Variants in SPMIP3 observed in about 807,000 individuals in gnomAD.
The protein encoded by SPMIP3 is sperm microtubule inner protein 3, also known as protein SPMIP3.
At chr1:244,379,220 G>C in the SPMIP3 span, among the ~76,000 whole-genome samples, 1 of 149,240 alleles carries the variant, frequency 6.7e-6, no homozygotes, top group Non-Finnish European at 1.5e-5. Flanking sequence ...GAGCCACTGC[G>C]CCCGGCCTTT....
chr1:244,372,505 A>G, the SPMIP3 span, among the ~76,000 whole-genome samples: 16 of 148,708 alleles, frequency 1.1e-4, no homozygotes, highest in South Asian at 4.2e-4. Context: ...GTGCAGTGGC[A>G]CGATCTCAGC....
chr1:244,363,922 G>A, the SPMIP3 span, among the ~76,000 whole-genome samples: 11 of 152,078 alleles, frequency 7.2e-5, no homozygotes, highest in African/African-American at 1.7e-4. Context: ...ACTCCTAGCC[G>A]GGATTCTTGT....
the SPMIP3 span, among the ~76,000 whole-genome samples, chr1:244,358,123 G>T: frequency 2.0e-5 from 3 of 151,718 alleles, no homozygotes; most frequent in African/African-American, 7.3e-5. Context: ...CCAGCTGCTC[G>T]GGAGGCTAAG....
chr1:244,379,934 C>T, the SPMIP3 span, among the ~76,000 whole-genome samples: 1 of 149,128 alleles, frequency 6.7e-6, no homozygotes, highest in African/African-American at 2.5e-5. Flanking sequence ...TGCGACTGCA[C>T]TCCAGCCTGG....
the SPMIP3 span, among the ~76,000 whole-genome samples, chr1:244,377,962 C>T: frequency 1.3e-3 from 204 of 152,248 alleles, no homozygotes; most frequent in African/African-American, 4.0e-3. Flanking sequence ...TACACCCCCA[C>T]GCCTGGCTAA....
the SPMIP3 span, among the ~76,000 whole-genome samples, chr1:244,364,268 C>T: frequency 6.6e-6 from 1 of 152,014 alleles, no homozygotes; most frequent in Admixed American, 6.6e-5. Context: ...CCAGGCCCGG[C>T]TACTTTTTTT....
chr1:244,359,988 A>T, the SPMIP3 span, among the ~76,000 whole-genome samples: 86 of 152,080 alleles, frequency 5.7e-4, no homozygotes, highest in Middle Eastern at 3.4e-3. Flanking sequence ...GCGTGCCTGT[A>T]GTCCCAGCTA....
chr1:244,356,278 G>A, the SPMIP3 span, among the ~76,000 whole-genome samples: 10 of 152,148 alleles, frequency 6.6e-5, no homozygotes, highest in Admixed American at 2.0e-4. Context: ...GTAAATGTTC[G>A]CTATCAGATT....
the SPMIP3 span, among the ~76,000 whole-genome samples, chr1:244,386,482 T>C: frequency 6.6e-6 from 1 of 152,342 alleles, no homozygotes; most frequent in Non-Finnish European, 1.5e-5. Flanking sequence ...CAACATTGAC[T>C]GTTGAGTTCA....
the SPMIP3 span, among the ~76,000 whole-genome samples, chr1:244,388,211 G>A: frequency 3.3e-5 from 5 of 151,780 alleles, no homozygotes; most frequent in South Asian, 8.3e-4. Flanking sequence ...TTACAGGCTT[G>A]AGCCACCACG....
At chr1:244,373,983 G>T in the SPMIP3 span, among the ~76,000 whole-genome samples, 2 of 151,960 alleles carry the variant, frequency 1.3e-5, no homozygotes, top group South Asian at 2.1e-4. Context: ...TGTGGTGGCA[G>T]GCACCTGTAA....
the SPMIP3 span, among the ~76,000 whole-genome samples, chr1:244,377,345 C>T: frequency 2.0e-5 from 3 of 151,620 alleles, no homozygotes; most frequent in South Asian, 2.1e-4. Context: ...AGGATGGTCT[C>T]GATCTGACTT....
chr1:244,378,360 T>C, the SPMIP3 span: 1 of 1,150,792 alleles, frequency 8.7e-7, no homozygotes, highest in Non-Finnish European at 1.2e-6. Context: ...TTGTCAATAC[T>C]CTCTGTTAGC....
the SPMIP3 span, among the ~76,000 whole-genome samples, chr1:244,366,821 G>A: frequency 1.1e-4 from 16 of 152,146 alleles, no homozygotes; most frequent in Admixed American, 6.6e-4. Context: ...CAGAGGTTGC[G>A]ATGAGCCGAG....
At chr1:244,364,737 C>G in the SPMIP3 span, 2 of 1,614,058 alleles carry the variant, frequency 1.2e-6, no homozygotes, top group Non-Finnish European at 1.7e-6. Flanking sequence ...TATTGAGCGT[C>G]GCCCAGTGAT....
At chr1:244,384,734 T>C in the SPMIP3 span, among the ~76,000 whole-genome samples, 1 of 152,072 alleles carries the variant, frequency 6.6e-6, no homozygotes, top group Non-Finnish European at 1.5e-5. Context: ...TTAGATACAT[T>C]TGAGAGATGC....
chr1:244,386,474 A>G, the SPMIP3 span, among the ~76,000 whole-genome samples: 1 of 152,244 alleles, frequency 6.6e-6, no homozygotes. Context: ...TGTTCTCACA[A>G]CATTGACTGT....
chr1:244,382,752 C>T, the SPMIP3 span, among the ~76,000 whole-genome samples: 1 of 151,738 alleles, frequency 6.6e-6, no homozygotes, highest in Non-Finnish European at 1.5e-5. Context: ...TACAGGCGCG[C>T]ACCACCAGGC....
At chr1:244,353,484 A>C in the SPMIP3 span, among the ~76,000 whole-genome samples, 1 of 152,232 alleles carries the variant, frequency 6.6e-6, no homozygotes, top group Non-Finnish European at 1.5e-5. Context: ...GTTGTCACTA[A>C]TTTTTCTTAA....
Sources: allele counts gnomAD v4.1 joint callset (sites outside exome capture counted in the v4.1 genomes callset), GRCh38; gene constraint gnomAD v4.1.1; transcripts MANE v1.5; gene names NCBI Gene and HGNC (gene_info 2026-07-23, HGNC 2026-07-21).